RNF43: variants seen among roughly 807,000 people sequenced by gnomAD.
RNF43 encodes the protein ring finger protein 43, also known as E3 ubiquitin-protein ligase RNF43.
In RNF43, 37 loss-of-function variants were observed where a neutral mutation model predicts 78.4. The observed-to-expected ratio is 0.47, with a 90% CI of 0.36 to 0.62. The LOEUF (loss-of-function observed/expected upper bound fraction) is 0.62. RNF43 is among the 20% of genes least tolerant of loss of function. RNF43 has a pLI of 0.00. For missense variants in RNF43, 774 were observed against 1,007.9 expected, an observed-to-expected ratio of 0.77 and a Z score of 3.14; for synonymous variants, 347 against 395.0, an observed-to-expected ratio of 0.88 and a Z score of 1.44.
At position 58,371,339 on chromosome 17, in the gene RNF43, C is replaced by G. The variant is rs542850959; in HGVS notation, c.253-306G>C. 2.0e-5 allele frequency among the ~76,000 whole-genome samples: 3 copies of G among 152,350 alleles called. No individual in the cohort carries two copies. The South Asian group carries it at 6.2e-4, about 32-fold the overall frequency. ...ACCTTCAACTCCAACAATCCTACTT[C>G]TCTAAACTGGCCAGACGCAGAGGGC... On this transcript the variant is annotated intron_variant, in intron 2 of 9. Transcript: ENST00000407977.
chr17:58,415,699 C>T lies in RNF43; in HGVS notation c.-122G>A. 1 of 1,222,790 alleles carries T rather than the reference C, an allele frequency of 8.2e-7. No individual in the cohort carries two copies. The highest frequency in any genetic ancestry group is 1.1e-6 in the Non-Finnish European group (1 of 892,768). The allele number at this position is 1,222,790 out of a possible 1,614,324, so 75.7% of individuals were successfully genotyped here. A position where few individuals can be genotyped will look rare whatever the true frequency, so the allele number is the denominator to read the frequency against. On this transcript the variant is annotated 5_prime_UTR_variant, in exon 2 of 10. Transcript: ENST00000407977. ...ACATTTATGCTTCCGTTTCAGAAAG[C>T]CAAGTCGTAGTTTTGGCCCTTCCTT...
intron 2 of RNF43, among the ~76,000 whole-genome samples, chr17:58,404,963 C>A (rs1436996131): frequency 6.6e-6 from 1 of 150,518 alleles, no homozygotes; most frequent in East Asian, 1.9e-4. Context: ...TTCTAGACTC[C>A]TAAAGAAAAT....
At chr17:58,402,125 G>A (rs1973814394) in intron 2 of RNF43, among the ~76,000 whole-genome samples, 1 of 152,184 alleles carries the variant, frequency 6.6e-6, no homozygotes, top group South Asian at 2.1e-4. Flanking sequence ...TGTCTCCAGG[G>A]CAAGTCTTTG....
At chr17:58,363,101 G>T in intron 5 of RNF43, 174 bp downstream of exon 5, 1 of 700,926 alleles carries the variant, frequency 1.4e-6, no homozygotes. Context: ...CTGTAGGTGA[G>T]GCCCAAAGAC....
intron 2 of RNF43, among the ~76,000 whole-genome samples, chr17:58,414,270 T>C (rs988644277): frequency 6.6e-6 from 1 of 152,226 alleles, no homozygotes; most frequent in African/African-American, 2.4e-5. Flanking sequence ...AATTTTCCTA[T>C]CTTCTTTAAG....
intron 2 of RNF43, among the ~76,000 whole-genome samples, chr17:58,378,149 A>G (rs1973244423): frequency 6.6e-6 from 1 of 152,210 alleles, no homozygotes; most frequent in African/African-American, 2.4e-5. Flanking sequence ...GACCTCTTTC[A>G]AAACCTTACA....
At chr17:58,389,169 C>G (rs28722948) in intron 2 of RNF43, among the ~76,000 whole-genome samples, 61 of 151,552 alleles carry the variant, frequency 4.0e-4, no homozygotes, top group African/African-American at 1.5e-3. Flanking sequence ...TAGTACTGCA[C>G]GATCAGAGCT....
chr17:58,391,352 C>T (rs780395723), intron 2 of RNF43, among the ~76,000 whole-genome samples: 1 of 152,242 alleles, frequency 6.6e-6, no homozygotes, highest in African/African-American at 2.4e-5. Flanking sequence ...CCGCCCAACA[C>T]ATTTTTTTCC....
chr17:58,400,209 T>C lies in RNF43; in HGVS notation c.252+15117A>G, dbSNP rs569565734. 2.6e-5 allele frequency among the ~76,000 whole-genome samples: 4 copies of C among 152,318 alleles called. No homozygotes were observed. In the South Asian group the frequency reaches 8.3e-4, roughly 32 times the overall value. ...AGTTCCCACCCCAGAACTCACATAC[T>C]ATTAGTCATTCTTTAAACCACTAAG... On this transcript the variant is annotated intron_variant, in intron 2 of 9. Coordinates refer to ENST00000407977, the MANE Select transcript of RNF43 (RefSeq NM_017763.6).
At position 58,357,638 on chromosome 17, in the gene RNF43, T is replaced by G. The variant is rs763063494; in HGVS notation, c.2138A>C (p.Glu713Ala). Residue 713 changes from glutamate to alanine, a missense_variant, in exon 9 of 10, where the codon GAA (glutamate) becomes GCA (alanine). Glu to Ala is a moderately radical substitution (Grantham distance 107, BLOSUM62 -1). Transcript: ENST00000407977. The surrounding 1 kb of genome is among the most constrained non-coding windows in gnomAD (Gnocchi z 4.5). ...ATTTGAGTAACAGGGGCCTGGGGTT[T>G]CTGGTAGCAGCCTCTTGTCCAGGCC... is the stretch of plus-strand genomic sequence containing the variant. ...PPGLDKRLLP[E>A]TPGPCYSNSQ... 1 of 1,613,586 alleles carries G rather than the reference T, an allele frequency of 6.2e-7. No individual in the cohort carries two copies. Among genetic ancestry groups the G allele is most frequent in the South Asian group, 1.1e-5 (1 of 91,060 alleles).
At chr17:58,394,868 T>C (rs1973642998) in intron 2 of RNF43, 1 of 152,150 alleles carries the variant, frequency 6.6e-6, no homozygotes, top group Non-Finnish European at 1.5e-5. Context: ...GGGTGGGAAA[T>C]AGCCCTCTTT....
At chr17:58,362,506 C>T (rs1434965735) in intron 6 of RNF43, 38 bp downstream of exon 6, 7 of 1,508,570 alleles carry the variant, frequency 4.6e-6, no homozygotes, top group Non-Finnish European at 6.4e-6. Flanking sequence ...CACACACACG[C>T]ACACGTTCAC....
rs1972878511 is a variant in RNF43, at chr17:58,363,273, A to C, written c.582+2T>G. 6.2e-7 allele frequency: 1 copy of C among 1,613,198 alleles called. No individual in the cohort carries two copies. Among genetic ancestry groups the C allele is most frequent in the Admixed American group, 1.7e-5 (1 of 59,980 alleles). ...CAAGGTCTGGAGGTCTAGTGTGCTT[A>C]CCCAGGCCGGGGGCTCCTTCAGCTC... On this transcript the variant is annotated splice_donor_variant, in intron 5 of 9. Transcript: ENST00000407977. LOFTEE classifies it high-confidence loss of function.
At chr17:58,372,606 A>G (rs1411697322) in intron 2 of RNF43, among the ~76,000 whole-genome samples, 1 of 152,194 alleles carries the variant, frequency 6.6e-6, no homozygotes, top group Non-Finnish European at 1.5e-5. Flanking sequence ...TGCAGTGAGG[A>G]GCTAATGATG....
In RNF43 at chr17:58,370,950, A is replaced by T. The variant is rs1322603233; in HGVS notation, c.336T>A (p.Pro112=). ...ACAGGCAGGGGCGGGGGGCCCGTCG[A>T]GGACTCTCCAGCTTGACGATGCTGA... The part of the protein sequence containing the change: ...GFISIVKLES[P]RRAPRPCLSL... The change falls in exon 3 of 10, where the codon CCT becomes CCA. Residue 112 remains proline (P), a synonymous_variant. Transcript: ENST00000407977. 2 of 1,610,840 alleles carry T rather than the reference A, an allele frequency of 1.2e-6. No individual in the cohort carries two copies. Among genetic ancestry groups the T allele is most frequent in the Admixed American group, 3.3e-5 (2 of 59,734 alleles).
intron 2 of RNF43, among the ~76,000 whole-genome samples, chr17:58,378,932 C>CACGT (rs891768003): frequency 6.6e-6 from 1 of 152,156 alleles, no homozygotes; most frequent in African/African-American, 2.4e-5. Context: ...ATCCAGTTGC[C>CACGT]ACGTAGTTTA....
chr17:58,417,058 C>A lies in RNF43; in HGVS notation c.-427G>T, dbSNP rs954492640. ...CCCACTGGAATCCACGGGGGTGAAA[C>A]AAATTCAATTATGCTTTTACAGATC... On this transcript the variant is annotated 5_prime_UTR_variant, in exon 1 of 10. Transcript: ENST00000407977. The A allele has an allele frequency of 6.6e-6, 1 of 152,188 alleles. No individual in the cohort carries two copies. The highest frequency in any genetic ancestry group is 2.4e-5 in the African/African-American group (1 of 41,428). 9.4% of individuals were successfully genotyped at this position (152,188 alleles called of 1,614,324 possible).
intron 2 of RNF43, among the ~76,000 whole-genome samples, chr17:58,413,416 C>T (rs370943967): frequency 6.6e-6 from 1 of 151,986 alleles, no homozygotes; most frequent in Non-Finnish European, 1.5e-5. Flanking sequence ...AGTGAAAAAA[C>T]TTATTTAAAG....
At chr17:58,398,262 T>C (rs1973725698) in intron 2 of RNF43, among the ~76,000 whole-genome samples, 1 of 152,248 alleles carries the variant, frequency 6.6e-6, no homozygotes, top group Non-Finnish European at 1.5e-5. Context: ...TCATGTTGAA[T>C]GAAAGTTAGC....
Sources: allele counts gnomAD v4.1 joint callset (sites outside exome capture counted in the v4.1 genomes callset), GRCh38; gene constraint gnomAD v4.1.1; non-coding constraint Gnocchi (gnomAD v3.1); transcripts MANE v1.5; gene names NCBI Gene and HGNC (gene_info 2026-07-23, HGNC 2026-07-21).